CAMTA1: variants seen among roughly 807,000 people sequenced by gnomAD.
CAMTA1 encodes the protein calmodulin binding transcription activator 1.
CAMTA1 carries 27 observed loss-of-function variants against 170.9 expected under a neutral mutation model. The observed-to-expected ratio is 0.16, with a 90% CI of 0.12 to 0.22. CAMTA1 has a LOEUF of 0.22. Ranked by LOEUF, CAMTA1 falls within the 10% of genes least tolerant of loss-of-function variation. The pLI is 1.00. For synonymous variants in CAMTA1, 833 were observed against 891.5 expected (o/e 0.93, Z 1.17); for missense variants, 1,619 against 2,217.2 (o/e 0.73, Z 5.42).
chr1:7,448,219 G>A (rs2092726800), intron 5 of CAMTA1, among the ~76,000 whole-genome samples: 1 of 152,222 alleles, frequency 6.6e-6, no homozygotes, highest in Non-Finnish European at 1.5e-5. Flanking sequence ...CTCACTGGCA[G>A]CAGGCATGGA....
chr1:7,580,465 G>A lies in CAMTA1; in HGVS notation c.511-59935G>A, dbSNP rs116038297. Among the ~76,000 whole-genome samples the A allele has an allele frequency of 5.5e-3, 843 of 152,240 alleles. 6 individuals carry two copies. Among genetic ancestry groups the A allele is most frequent in the African/African-American group, 0.019 (777 of 41,546 alleles). ...GCCATGATGAGGTCCCAGGGGTAGT[G>A]TGCCCCACTTTGGGCATGGAAGACA... On this transcript the variant is annotated intron_variant, in intron 6 of 22. Coordinates refer to ENST00000303635, the MANE Select transcript of CAMTA1 (RefSeq NM_015215.4). The surrounding 1 kb of genome is among the most constrained non-coding windows in gnomAD (Gnocchi z 4.3).
intron 5 of CAMTA1, among the ~76,000 whole-genome samples, chr1:7,364,794 A>G (rs1229070247): frequency 6.6e-6 from 1 of 152,050 alleles, no homozygotes; most frequent in Non-Finnish European, 1.5e-5. Context: ...CCATAAAAAC[A>G]CTCCACACAG....
At chr1:7,348,812 A>C (rs2084424594) in intron 5 of CAMTA1, among the ~76,000 whole-genome samples, 1 of 152,204 alleles carries the variant, frequency 6.6e-6, no homozygotes, top group South Asian at 2.1e-4. Context: ...GGGGCCACCC[A>C]CGTTCACTGT....
chr1:7,533,248 T>A (rs1273101733), intron 6 of CAMTA1, among the ~76,000 whole-genome samples: 1 of 152,072 alleles, frequency 6.6e-6, no homozygotes, highest in Non-Finnish European at 1.5e-5. Flanking sequence ...CCTGCCGGGC[T>A]CCACTCCAGG....
At chr1:7,453,459 A>G (rs1291839720) in intron 5 of CAMTA1, among the ~76,000 whole-genome samples, 3 of 152,170 alleles carry the variant, frequency 2.0e-5, no homozygotes, top group Non-Finnish European at 4.4e-5. Context: ...TCCTCCACCA[A>G]TCCTTCCAGG....
rs576221379 is a variant in CAMTA1, at chr1:6,945,475, A to G, written c.234+120265A>G. Among the ~76,000 whole-genome samples, 6 of 152,094 alleles carry G rather than the reference A, an allele frequency of 3.9e-5. No homozygotes were observed. In the South Asian group the frequency reaches 1.2e-3, roughly 32 times the overall value. On this transcript the variant is annotated intron_variant, in intron 3 of 22. Transcript: ENST00000303635. ...GTGATCCTCCCACCTCAGCCTCCCAAGTAGCTGGGACCACAGGTGTGCACC... is the reference window on the plus strand; with the variant it reads ...GTGATCCTCCCACCTCAGCCTCCCAGGTAGCTGGGACCACAGGTGTGCACC...
chr1:7,438,228 G>C (rs2092409002), intron 5 of CAMTA1, among the ~76,000 whole-genome samples: 1 of 152,174 alleles, frequency 6.6e-6, no homozygotes, highest in Admixed American at 6.5e-5. Context: ...GGGTAGGTCA[G>C]AGGTCTTGAG....
chr1:7,384,474 T>C (rs1470522176), intron 5 of CAMTA1, among the ~76,000 whole-genome samples: 1 of 152,224 alleles, frequency 6.6e-6, no homozygotes, highest in Non-Finnish European at 1.5e-5. Context: ...TGAGTCGATG[T>C]GTGGGCCTTG....
intron 11 of CAMTA1, among the ~76,000 whole-genome samples, chr1:7,717,745 A>T (rs961687803): frequency 6.6e-6 from 1 of 152,176 alleles, no homozygotes; most frequent in African/African-American, 2.4e-5. Context: ...ATAAAAAAAT[A>T]AAAACGGATA....
At chr1:7,111,903 A>C (rs901417396) in intron 4 of CAMTA1, among the ~76,000 whole-genome samples, 5 of 151,450 alleles carry the variant, frequency 3.3e-5, no homozygotes, top group Non-Finnish European at 5.9e-5. Context: ...AAAAAAAAAA[A>C]AAAAAAAAAC....
intron 5 of CAMTA1, among the ~76,000 whole-genome samples, chr1:7,383,296 T>G (rs2087560768): frequency 6.6e-6 from 1 of 151,830 alleles, no homozygotes; most frequent in Non-Finnish European, 1.5e-5. Context: ...CTAAGGCTCC[T>G]TGACACCCAC....
At chr1:7,338,672 A>G (rs2083572944) in intron 5 of CAMTA1, among the ~76,000 whole-genome samples, 1 of 152,208 alleles carries the variant, frequency 6.6e-6, no homozygotes, top group African/African-American at 2.4e-5. Context: ...TGCCACGAGA[A>G]AGAAAAAAAG....
rs1253016312 is a variant in CAMTA1 at position 7,299,337 on chromosome 1, C to T, written c.438+49711C>T. Among the ~76,000 whole-genome samples, 2 of 152,224 alleles carry T rather than the reference C, an allele frequency of 1.3e-5. No individual in the cohort carries two copies. The highest frequency in any genetic ancestry group is 1.5e-5 in the Non-Finnish European group (1 of 68,042). ...TCTGAGCCTCTGAGCAAGAGCTTCG[C>T]CTTTGACTCTGAAGCCAGTGCTGTC... is the stretch of plus-strand genomic sequence containing the variant. On this transcript the variant is annotated intron_variant, in intron 5 of 22. Transcript: ENST00000303635. The surrounding 1 kb of genome is among the most constrained non-coding windows in gnomAD (Gnocchi z 4.7).
At chr1:7,137,215 A>G (rs1393629155) in intron 4 of CAMTA1, among the ~76,000 whole-genome samples, 1 of 152,190 alleles carries the variant, frequency 6.6e-6, no homozygotes, top group Admixed American at 6.5e-5. Flanking sequence ...AAATAGATAC[A>G]GAAGCCATCA....
At chr1:6,832,505 T>C (rs1308694426) in intron 3 of CAMTA1, among the ~76,000 whole-genome samples, 1 of 152,204 alleles carries the variant, frequency 6.6e-6, no homozygotes. Context: ...AATTTTTCAG[T>C]GATTGGTTTT....
intron 1 of CAMTA1, among the ~76,000 whole-genome samples, chr1:6,791,823 CT>C (rs1400412992): frequency 2.6e-5 from 4 of 152,102 alleles, no homozygotes; most frequent in Non-Finnish European, 4.4e-5. Flanking sequence ...CTATCATATC[CT>C]TTTATTTTGT....
intron 11 of CAMTA1, among the ~76,000 whole-genome samples, chr1:7,686,542 G>T (rs1168611056): frequency 6.6e-6 from 1 of 151,986 alleles, no homozygotes; most frequent in South Asian, 2.1e-4. Flanking sequence ...GGGCCAGGGG[G>T]TTCAGCAGAG....
At chr1:7,257,107 T>G (rs1667530336) in intron 5 of CAMTA1, among the ~76,000 whole-genome samples, 5 of 149,328 alleles carry the variant, frequency 3.3e-5, no homozygotes, top group Non-Finnish European at 1.5e-5. Flanking sequence ...ATCATATACA[T>G]GTTGGGGGAA....
At chr1:7,160,698 A>G (rs767761644) in intron 4 of CAMTA1, among the ~76,000 whole-genome samples, 10 of 152,220 alleles carry the variant, frequency 6.6e-5, no homozygotes, top group Non-Finnish European at 1.2e-4. Context: ...TTTTGTTTCA[A>G]TGATGACACA....
Sources: allele counts gnomAD v4.1 joint callset (sites outside exome capture counted in the v4.1 genomes callset), GRCh38; gene constraint gnomAD v4.1.1; non-coding constraint Gnocchi (gnomAD v3.1); transcripts MANE v1.5; gene names NCBI Gene and HGNC (gene_info 2026-07-23, HGNC 2026-07-21).